STPG1: variants seen among roughly 807,000 people sequenced by gnomAD.
STPG1 encodes O(6)-methylguanine-induced apoptosis 2.
STPG1 carries 33 observed loss-of-function variants against 40.1 expected under a neutral mutation model. The ratio of observed to expected loss-of-function variants is 0.82; its 90% CI spans 0.62 to 1.10. STPG1 has a LOEUF of 1.10. Ranked by LOEUF, STPG1 falls within the 50% of genes least tolerant of loss-of-function variation. The pLI, the probability that STPG1 is intolerant of heterozygous loss-of-function variation, is 0.00. For missense variants in STPG1, 396 were observed against 415.1 expected (o/e 0.95, Z 0.40); for synonymous variants, 150 against 155.0 (o/e 0.97, Z 0.24).
At chr1:24,412,818 G>C (rs1053499613) in intron 1 of STPG1, among the ~76,000 whole-genome samples, 3 of 152,332 alleles carry the variant, frequency 2.0e-5, no homozygotes, top group Non-Finnish European at 2.9e-5. Flanking sequence ...GTACAGCTGT[G>C]CTCAGAATAT....
At chr1:24,368,264 C>A (rs1354000844) in intron 7 of STPG1, among the ~76,000 whole-genome samples, 1 of 152,244 alleles carries the variant, frequency 6.6e-6, no homozygotes, top group African/African-American at 2.4e-5. Context: ...TTGCACCTCT[C>A]TCTAACTGTG....
chr1:24,414,894 C>T (rs1323500682), upstream of STPG1: 1 of 152,170 alleles, frequency 6.6e-6, no homozygotes, highest in Non-Finnish European at 1.5e-5. Context: ...AACCACGCCC[C>T]CAGAAAAATC....
chr1:24,365,619 A>G (rs776537851), intron 7 of STPG1, among the ~76,000 whole-genome samples: 1 of 152,248 alleles, frequency 6.6e-6, no homozygotes, highest in Non-Finnish European at 1.5e-5. Flanking sequence ...AGCCCCAAGC[A>G]CAGCATCCGC....
At position 24,373,808 on chromosome 1, in the gene STPG1, G is replaced by C. The variant is rs1207344128; in HGVS notation, c.465C>G (p.Ala155=). 6.2e-7 allele frequency: 1 copy of C among 1,600,292 alleles called. No homozygotes were observed. The highest frequency in any genetic ancestry group is 2.2e-5 in the East Asian group (1 of 44,466). ...TTCTCTGCTTGCAGCAAGAGACAGAGGCCTAGGGGGAGAAAATACACCCAA... is the reference window on the plus strand; with the variant it reads ...TTCTCTGCTTGCAGCAAGAGACAGACGCCTAGGGGGAGAAAATACACCCAA... The part of the protein sequence containing the change: ...FETPAPNYYN[A]SVSCCKQRNN... Residue 155 remains alanine (A), a splice_region_variant and synonymous_variant, in exon 6 of 9, where the codon GCC becomes GCG. Coordinates refer to ENST00000337248, the MANE Select transcript of STPG1 (RefSeq NM_001199013.2).
At position 24,379,491 on chromosome 1, in the gene STPG1, G is replaced by C. The variant is rs574310898; in HGVS notation, c.462+162C>G. The C allele has an allele frequency of 5.8e-5, 42 of 723,696 alleles. No homozygotes were observed. In the African/African-American group the frequency reaches 7.0e-4, roughly 12 times the overall value. 44.8% of individuals were successfully genotyped at this position (723,696 alleles called of 1,614,324 possible). ...GATCTCTGGGGTCTGCAAATTCCCT[G>C]TAAGAGTCTTGTACAGCCTTAGGCA... is the stretch of plus-strand genomic sequence containing the variant. On this transcript the variant is annotated intron_variant, in intron 5 of 8. Coordinates refer to ENST00000337248, the MANE Select transcript of STPG1 (RefSeq NM_001199013.2).
chr1:24,360,789 C>G, intron 8 of STPG1, 62 bp downstream of exon 8: 1 of 1,463,276 alleles, frequency 6.8e-7, no homozygotes, highest in South Asian at 1.3e-5. Context: ...TTTGATGACC[C>G]AAGAATGACA....
chr1:24,379,118 C>T lies in STPG1; in HGVS notation c.462+535G>A, dbSNP rs116108274. On this transcript the variant is annotated intron_variant, in intron 5 of 8. Coordinates refer to ENST00000337248, the MANE Select transcript of STPG1 (RefSeq NM_001199013.2). ...AAAGGTTAAGGGACTTGCCGAAGGCCGCACAGTTAGAAAGTGGCAACAGAT... is the reference window on the plus strand; with the variant it reads ...AAAGGTTAAGGGACTTGCCGAAGGCTGCACAGTTAGAAAGTGGCAACAGAT... Among the ~76,000 whole-genome samples the T allele has an allele frequency of 7.8e-3, 1,190 of 152,290 alleles. 7 individuals carry two copies. The highest frequency in any genetic ancestry group is 0.011 in the Non-Finnish European group (770 of 68,022).
At chr1:24,380,720 G>T (rs72652543) in intron 4 of STPG1, among the ~76,000 whole-genome samples, 13,070 of 152,136 alleles carry the variant, frequency 0.086, 844 homozygotes, top group African/African-American at 0.18. Context: ...TAGCATTTGG[G>T]GGGGTGTAGC....
At chr1:24,397,875 G>A (rs897671058) in intron 2 of STPG1, among the ~76,000 whole-genome samples, 2 of 152,150 alleles carry the variant, frequency 1.3e-5, no homozygotes, top group Non-Finnish European at 1.5e-5. Flanking sequence ...CGCCAGTTTG[G>A]GGGCATTACA....
At chr1:24,387,532 G>A (rs1489523639) in intron 3 of STPG1, among the ~76,000 whole-genome samples, 1 of 152,184 alleles carries the variant, frequency 6.6e-6, no homozygotes, top group African/African-American at 2.4e-5. Flanking sequence ...CTGAGGACCA[G>A]GAGCTGCTAC....
At chr1:24,401,526 T>G (rs1285170341) in intron 1 of STPG1, 70 bp from the exon 2 acceptor site, 4 of 731,756 alleles carry the variant, frequency 5.5e-6, no homozygotes, top group Non-Finnish European at 9.6e-6. Flanking sequence ...TGGGTTCTGT[T>G]CTATCTACAG....
At chr1:24,376,857 C>A (rs1392409789) in intron 5 of STPG1, among the ~76,000 whole-genome samples, 2 of 152,172 alleles carry the variant, frequency 1.3e-5, no homozygotes, top group Admixed American at 1.3e-4. Context: ...TCACACCTTG[C>A]CATCTCTCCT....
intron 4 of STPG1, among the ~76,000 whole-genome samples, chr1:24,382,748 C>T (rs893649549): frequency 2.6e-5 from 4 of 151,874 alleles, no homozygotes; most frequent in African/African-American, 9.7e-5. Context: ...TAAGATGTAG[C>T]TACATTTAGT....
chr1:24,398,993 T>C (rs1463762207), intron 2 of STPG1, among the ~76,000 whole-genome samples: 1 of 152,142 alleles, frequency 6.6e-6, no homozygotes, highest in Non-Finnish European at 1.5e-5. Flanking sequence ...GTAAAATTTG[T>C]ATAGCTACCC....
chr1:24,414,254 C>G (rs1643907558), upstream of STPG1: 2 of 152,044 alleles, frequency 1.3e-5, no homozygotes, highest in African/African-American at 4.8e-5. Context: ...CCACGTTGGC[C>G]AGGCTGGTCT....
intron 5 of STPG1, among the ~76,000 whole-genome samples, chr1:24,374,680 A>C (rs1457862146): frequency 6.6e-6 from 1 of 151,848 alleles, no homozygotes; most frequent in Non-Finnish European, 1.5e-5. Flanking sequence ...GCTGGAGTGC[A>C]GTGATGCCAT....
In STPG1 at chr1:24,370,500, T is replaced by A. The variant is rs1002843768; in HGVS notation, c.572-661A>T. Among the ~76,000 whole-genome samples the A allele has an allele frequency of 4.4e-4, 63 of 143,474 alleles. 1 individual carries two copies. Among genetic ancestry groups the A allele is most frequent in the South Asian group, 1.1e-3 (5 of 4,576 alleles). The allele number at this position is 143,474 out of a possible 152,430, so 94.1% of individuals were successfully genotyped here. On this transcript the variant is annotated intron_variant, in intron 6 of 8. Coordinates refer to ENST00000337248, the MANE Select transcript of STPG1 (RefSeq NM_001199013.2). ...CACACCCTGCAAATTAAAAAAAAAATTTTTTTTTTGAGACAGAGTCTCGCT... is the reference window on the plus strand; with the variant it reads ...CACACCCTGCAAATTAAAAAAAAAAATTTTTTTTTGAGACAGAGTCTCGCT...
intron 4 of STPG1, among the ~76,000 whole-genome samples, chr1:24,382,192 G>A (rs757379320): frequency 9.2e-5 from 14 of 152,134 alleles, no homozygotes; most frequent in African/African-American, 2.2e-4. Context: ...GAAAGTTACC[G>A]CACGCAAAGC....
At position 24,360,935 on chromosome 1, in the gene STPG1, T is replaced by C. The variant is rs1395833550; in HGVS notation, c.844A>G (p.Lys282Glu). Residue 282 changes from lysine (K) to glutamate (E), a missense_variant, in exon 8 of 9, where the codon AAG becomes GAG. By Grantham distance (56) the Lys-to-Glu change is moderately conservative (BLOSUM62 1). Transcript: ENST00000337248. ...AATGATGCACTAGAGATGAAATGCT[T>C]GCGGGGGCCTAAGTAGTCCACGATC... ...YEIVDYLGPR[K>E]HFISSASFVS... The C allele has an allele frequency of 7.4e-6, 12 of 1,613,942 alleles. No homozygotes were observed. The highest frequency in any genetic ancestry group is 1.7e-5 in the Admixed American group (1 of 59,988).
Sources: allele counts gnomAD v4.1 joint callset (sites outside exome capture counted in the v4.1 genomes callset), GRCh38; gene constraint gnomAD v4.1.1; transcripts MANE v1.5; gene names NCBI Gene and HGNC (gene_info 2026-07-23, HGNC 2026-07-21).